The following TRIML1 variants were observed in gnomAD, a reference collection of about 807,000 sequenced individuals.
TRIML1 encodes probable E3 ubiquitin-protein ligase TRIML1.
TRIML1 carries 34 observed loss-of-function variants against 32.3 expected under a neutral mutation model. The observed-to-expected ratio is 1.05, with a 90% CI of 0.80 to 1.40. TRIML1 has a LOEUF of 1.40. Ranked by LOEUF, TRIML1 falls within the 40% of genes most tolerant of loss-of-function variation. The pLI, the probability that TRIML1 is intolerant of heterozygous loss-of-function variation, is 0.00. For synonymous variants in TRIML1, 244 were observed against 226.6 expected (o/e 1.08, Z -0.69); for missense variants, 595 against 574.9 (o/e 1.03, Z -0.36).
chr4:188,146,418 G>GT lies in TRIML1; in HGVS notation c.857-397dup, dbSNP rs1360117514. ...GAAATTTTGTTCTCAACCAAATACT[G>GT]TTTTTTTCTGAAACTGAGTCTTGCT... On this transcript the variant is annotated intron_variant, in intron 5 of 5. Coordinates refer to ENST00000332517, the MANE Select transcript of TRIML1 (RefSeq NM_178556.5). 3.9e-5 allele frequency among the ~76,000 whole-genome samples: 6 copies of GT among 152,208 alleles called. No homozygotes were observed. The East Asian group carries it at 7.7e-4, about 20-fold the overall frequency.
At chr4:188,150,321 GT>G, downstream of TRIML1, among the ~76,000 whole-genome samples, 1 of 151,486 alleles carries the variant, frequency 6.6e-6, no homozygotes, top group South Asian at 2.1e-4. Flanking sequence ...TAGAGATGGG[GT>G]TTTGCCATGT....
At position 188,146,857 on chromosome 4, in the gene TRIML1, T is replaced by C. The variant is rs1242967850; in HGVS notation, c.892T>C (p.Tyr298His). Residue 298 changes from tyrosine (Y) to histidine (H), a missense_variant, in exon 6 of 6, where the codon TAT becomes CAT. Physicochemically the swap from Tyr to His is moderately conservative, Grantham distance 83. Transcript: ENST00000332517. ...GCTGGACCCAGCCACAGCTAATGCCTATCTCGTGTTGTCGGAGGATCTGAA... is the reference window on the plus strand; with the variant it reads ...GCTGGACCCAGCCACAGCTAATGCCCATCTCGTGTTGTCGGAGGATCTGAA... ...ITLDPATANA[Y>H]LVLSEDLKSV... is the part of the protein sequence containing the mutation. The C allele has an allele frequency of 1.4e-6, 2 of 1,441,388 alleles. No homozygotes were observed. The highest frequency in any genetic ancestry group is 2.4e-5 in the East Asian group (1 of 40,866). The allele number at this position is 1,441,388 out of a possible 1,614,324, so 89.3% of individuals were successfully genotyped here.
In TRIML1 at chr4:188,142,381, A is replaced by G. The variant is rs1437503166; in HGVS notation, c.634A>G (p.Arg212Gly). 2.5e-6 allele frequency: 4 copies of G among 1,613,962 alleles called. No homozygotes were observed. In the East Asian group the frequency reaches 8.9e-5, roughly 36 times the overall value. The change falls in exon 3 of 6, where the codon AGG becomes GGG. Residue 212 changes from arginine to glycine, a missense_variant. By Grantham distance (125) the Arg-to-Gly change is moderately radical. Transcript: ENST00000332517. ...QEEKENMRKL[R>G]NNEIKLTQQI... ...AGAGAAAGAGAACATGAGGAAGCTG[A>G]GGAACAATGAGATCAAACTGACCCA...
At chr4:188,145,841 G>A (rs1326403453) in intron 5 of TRIML1, among the ~76,000 whole-genome samples, 1 of 151,880 alleles carries the variant, frequency 6.6e-6, no homozygotes, top group African/African-American at 2.4e-5. Context: ...AATAAAAGGA[G>A]GCCCCATATG....
At chr4:188,140,700 G>C (rs1734821320) in intron 2 of TRIML1, 77 bp downstream of exon 2, 1 of 1,089,208 alleles carries the variant, frequency 9.2e-7, no homozygotes, top group Admixed American at 2.3e-5. Context: ...TGAAATATCA[G>C]GAAAAAAAAA....
At chr4:188,139,349 T>A (rs1218610398), upstream of TRIML1, 27 of 510,478 alleles carry the variant, frequency 5.3e-5, no homozygotes, top group Non-Finnish European at 9.2e-5. Context: ...GAGCCCAGTA[T>A]ACAGGAGTTC....
chr4:188,149,757 G>A (rs759276498), downstream of TRIML1, among the ~76,000 whole-genome samples: 3 of 152,156 alleles, frequency 2.0e-5, no homozygotes, highest in Admixed American at 6.6e-5. Context: ...AGCCCAGCAC[G>A]TCCTCCTTAG....
chr4:188,145,609 G>A (rs186999743), intron 5 of TRIML1, among the ~76,000 whole-genome samples: 64 of 152,012 alleles, frequency 4.2e-4, no homozygotes, highest in Non-Finnish European at 6.6e-4. Context: ...GATCACCCGA[G>A]GTCGGGAGTT....
At chr4:188,137,913 A>G (rs374790559), upstream of TRIML1, among the ~76,000 whole-genome samples, 1 of 76,936 alleles carries the variant, frequency 1.3e-5, no homozygotes, top group Non-Finnish European at 3.5e-5. Context: ...GCGCCTGGCC[A>G]AACTTTTTTT....
rs770010481 is a variant in TRIML1 at position 188,146,949 on chromosome 4, G to A, written c.984G>A (p.Ala328=). 1.7e-5 allele frequency: 26 copies of A among 1,530,038 alleles called. No homozygotes were observed. Among genetic ancestry groups the A allele is most frequent in the East Asian group, 4.5e-5 (2 of 44,046 alleles). The allele number at this position is 1,530,038 out of a possible 1,614,324, so 94.8% of individuals were successfully genotyped here. A position where few individuals can be genotyped will look rare whatever the true frequency, so the allele number is the denominator to read the frequency against. ...PDNPERFDQS[A]TVLGTQIFTS... ...ACCCGGAAAGATTTGACCAGTCTGCGACTGTGCTGGGTACTCAGATCTTCA... is the reference window on the plus strand; with the variant it reads ...ACCCGGAAAGATTTGACCAGTCTGCAACTGTGCTGGGTACTCAGATCTTCA... The change falls in exon 6 of 6, where the codon GCG becomes GCA. Residue 328 remains alanine, a synonymous_variant. Transcript: ENST00000332517.
At chr4:188,140,071 A>G in intron 1 of TRIML1, 105 bp downstream of exon 1, 7 of 1,182,360 alleles carry the variant, frequency 5.9e-6, no homozygotes, top group Non-Finnish European at 8.3e-6. Context: ...ACGAGGGCCC[A>G]TCTGAGCACC....
downstream of TRIML1, among the ~76,000 whole-genome samples, chr4:188,149,075 G>A (rs1441341906): frequency 1.3e-5 from 2 of 151,336 alleles, no homozygotes; most frequent in East Asian, 1.9e-4. Flanking sequence ...CACCACGCCC[G>A]GCTAAGTTTT....
intron 5 of TRIML1, among the ~76,000 whole-genome samples, chr4:188,144,608 C>T (rs1019897623): frequency 9.2e-5 from 14 of 151,396 alleles, no homozygotes; most frequent in East Asian, 3.9e-4. Context: ...GTGATCCGCC[C>T]GCCTCGGCCT....
intron 2 of TRIML1, 48 bp downstream of exon 2, chr4:188,140,671 G>A (rs182772435): frequency 2.3e-6 from 3 of 1,291,518 alleles, no homozygotes; most frequent in South Asian, 1.3e-5. Flanking sequence ...CCCATAAGGG[G>A]GACTAAAGGG....
Position 188,142,459 on chromosome 4 carries a change from A to C in TRIML1, c.712A>C (p.Ser238Arg), listed in dbSNP as rs1278409538. The change falls in exon 3 of 6, where the codon AGC (serine) becomes CGC (arginine). Residue 238 changes from serine (S) to arginine (R), a missense_variant. Physicochemically the swap from Ser to Arg is moderately radical, Grantham distance 110. Coordinates refer to ENST00000332517, the MANE Select transcript of TRIML1 (RefSeq NM_178556.5). ...CGCACAGATTGAGTCCTCAAGTCAA[A>C]GCTCGGCTTTCGAATCTCTTGAGGT... ...MIAQIESSSQSSAFESLEEVR... is the reference protein window; with the variant it reads ...MIAQIESSSQRSAFESLEEVR... 1 of 1,613,768 alleles carries C rather than the reference A, an allele frequency of 6.2e-7. No homozygotes were observed. The highest frequency in any genetic ancestry group is 8.5e-7 in the Non-Finnish European group (1 of 1,179,962).
At chr4:188,137,768 C>T (rs1016996976), upstream of TRIML1, among the ~76,000 whole-genome samples, 5 of 151,992 alleles carry the variant, frequency 3.3e-5, no homozygotes, top group Non-Finnish European at 7.4e-5. Context: ...TGAACCACTG[C>T]ACCCGGCCTA....
At position 188,142,392 on chromosome 4, in the gene TRIML1, G is replaced by T; in HGVS notation, c.645G>T (p.Glu215Asp). 1.2e-6 allele frequency: 2 copies of T among 1,613,850 alleles called. No individual in the cohort carries two copies. The highest frequency in any genetic ancestry group is 2.2e-5 in the East Asian group (1 of 44,864). Reference sequence around the variant, plus strand: ...ACATGAGGAAGCTGAGGAACAATGAGATCAAACTGACCCAGCAAATCAGAA... The same window carrying T: ...ACATGAGGAAGCTGAGGAACAATGATATCAAACTGACCCAGCAAATCAGAA... Reference protein sequence around the residue: ...KENMRKLRNNEIKLTQQIRSL... With the variant: ...KENMRKLRNNDIKLTQQIRSL... Residue 215 changes from glutamate to aspartate, a missense_variant, in exon 3 of 6, where the codon GAG becomes GAT. By Grantham distance (45) the Glu-to-Asp change is conservative. Transcript: ENST00000332517.
At chr4:188,140,449 G>T (rs1734810279) in intron 1 of TRIML1, 79 bp from the exon 2 acceptor site, 2 of 1,138,590 alleles carry the variant, frequency 1.8e-6, no homozygotes, top group East Asian at 2.4e-5. Context: ...GCCTAGGACT[G>T]CGCAGTTACT....
Position 188,144,036 on chromosome 4 carries a change from G to A in TRIML1, c.759G>A (p.Arg253=). 6.2e-7 allele frequency: 1 copy of A among 1,613,732 alleles called. No homozygotes were observed. Among genetic ancestry groups the A allele is most frequent in the Non-Finnish European group, 8.5e-7 (1 of 1,179,900 alleles). ...SLEEVRGALE[R]SEPLLLQCPE... ...AGTGAACCTCTCTGCTCTCTTGCAG[G>A]AGCGAGCCACTCTTGCTTCAGTGTC... Residue 253 remains arginine, a splice_region_variant and synonymous_variant, in exon 5 of 6, where the codon AGG becomes AGA. Transcript: ENST00000332517.
Sources: gnomAD v4.1 joint callset for allele counts (sites outside exome capture counted in the v4.1 genomes callset) on GRCh38, gnomAD v4.1.1 for gene constraint, MANE v1.5 for transcripts, NCBI Gene and HGNC (gene_info 2026-07-23, HGNC 2026-07-21) for gene names.